STAG1: variants seen among roughly 807,000 people sequenced by gnomAD.
STAG1 encodes the protein cohesin subunit SA-1.
A neutral mutation model predicts 170.9 loss-of-function variants in STAG1; 26 were observed. The observed-to-expected ratio is 0.15, with a 90% CI of 0.11 to 0.21. The LOEUF is 0.21. Ranked by LOEUF, STAG1 falls within the 10% of genes least tolerant of loss-of-function variation. The pLI is 1.00. For missense variants in STAG1, 964 were observed against 1,509.5 expected, an observed-to-expected ratio of 0.64 and a Z score of 5.99; for synonymous variants, 514 against 497.7, an observed-to-expected ratio of 1.03 and a Z score of -0.44.
At chr3:136,559,752 G>A (rs924866295) in intron 5 of STAG1, among the ~76,000 whole-genome samples, 2 of 152,194 alleles carry the variant, frequency 1.3e-5, no homozygotes, top group Admixed American at 6.5e-5. Context: ...CTTTATTCCT[G>A]TTGATAATGC....
At chr3:136,701,579 G>T (rs1008721130) in intron 1 of STAG1, among the ~76,000 whole-genome samples, 1 of 151,986 alleles carries the variant, frequency 6.6e-6, no homozygotes, top group South Asian at 2.1e-4. Flanking sequence ...CTTAACAGCC[G>T]GTATGCCCCC....
chr3:136,497,935 A>G (rs1485249740), intron 9 of STAG1, among the ~76,000 whole-genome samples: 1 of 148,190 alleles, frequency 6.7e-6, no homozygotes, highest in Non-Finnish European at 1.5e-5. Flanking sequence ...GCTCACGACT[A>G]TAATCCCAGC....
At chr3:136,467,879 G>A (rs188963555) in intron 12 of STAG1, among the ~76,000 whole-genome samples, 2 of 152,238 alleles carry the variant, frequency 1.3e-5, no homozygotes, top group South Asian at 2.1e-4. Context: ...TCAACTACAC[G>A]GAAACTAAAC....
chr3:136,740,222 A>G (rs113685292), intron 1 of STAG1, among the ~76,000 whole-genome samples: 7 of 152,310 alleles, frequency 4.6e-5, no homozygotes, highest in African/African-American at 1.4e-4. Context: ...CAGCCCGGGC[A>G]ACAAAGCGAG....
intron 4 of STAG1, among the ~76,000 whole-genome samples, chr3:136,570,880 T>C (rs1173602760): frequency 6.6e-6 from 1 of 152,212 alleles, no homozygotes; most frequent in East Asian, 1.9e-4. Flanking sequence ...GTTTTGTTTT[T>C]AAAGTAAAGA....
intron 25 of STAG1, among the ~76,000 whole-genome samples, chr3:136,364,048 C>T (rs962330153): frequency 1.3e-5 from 2 of 152,000 alleles, no homozygotes; most frequent in African/African-American, 4.8e-5. Flanking sequence ...GCGTGAGCCA[C>T]TGCACCTGGC....
chr3:136,340,873 T>C (rs767015247), intron 31 of STAG1, among the ~76,000 whole-genome samples: 3 of 152,160 alleles, frequency 2.0e-5, no homozygotes, highest in Non-Finnish European at 2.9e-5. Context: ...AAAAATCTTA[T>C]TGGTAGTATT....
intron 4 of STAG1, among the ~76,000 whole-genome samples, chr3:136,585,874 C>T (rs1937792513): frequency 6.6e-6 from 1 of 152,058 alleles, no homozygotes; most frequent in Non-Finnish European, 1.5e-5. Flanking sequence ...TGTGAATTAG[C>T]TTTTTGCAAG....
chr3:136,683,744 A>G (rs1239646619), intron 1 of STAG1, among the ~76,000 whole-genome samples: 2 of 152,226 alleles, frequency 1.3e-5, no homozygotes. Flanking sequence ...ATGGGAAGAA[A>G]AAAGTCAAAA....
chr3:136,539,121 C>G (rs571618274), intron 6 of STAG1, among the ~76,000 whole-genome samples: 1 of 148,508 alleles, frequency 6.7e-6, no homozygotes, highest in Admixed American at 6.7e-5. Flanking sequence ...GCGACAGAGC[C>G]AGACTCCGTC....
intron 1 of STAG1, among the ~76,000 whole-genome samples, chr3:136,706,242 G>A (rs1237954990): frequency 6.6e-6 from 1 of 152,142 alleles, no homozygotes; most frequent in Non-Finnish European, 1.5e-5. Flanking sequence ...AACACTGCTA[G>A]CCAGGCAAGA....
chr3:136,679,629 T>C (rs1488092511), intron 1 of STAG1, among the ~76,000 whole-genome samples: 1 of 150,850 alleles, frequency 6.6e-6, no homozygotes, highest in Non-Finnish European at 1.5e-5. Flanking sequence ...CTCGGGAGGC[T>C]GATGCAGGAG....
At position 136,638,853 on chromosome 3, in the gene STAG1, G is replaced by A. The variant is rs577494889; in HGVS notation, c.-83-7872C>T. Among the ~76,000 whole-genome samples the A allele has an allele frequency of 6.8e-4, 103 of 152,230 alleles. 1 individual carries two copies. The East Asian group carries it at 0.017, about 25-fold the overall frequency. On this transcript the variant is annotated intron_variant, in intron 1 of 33. Transcript: ENST00000383202. ...GGAGGCGGAGGCTGCAGTGAGCCAG[G>A]ATCACGCCATTGAACTCCAGCCTGG...
At chr3:136,406,528 TAAAA>T (rs2087489377) in intron 21 of STAG1, among the ~76,000 whole-genome samples, 1 of 152,108 alleles carries the variant, frequency 6.6e-6, no homozygotes, top group African/African-American at 2.4e-5. Flanking sequence ...TGTACATAAA[TAAAA>T]AATTAGTCAT....
intron 27 of STAG1, 103 bp downstream of exon 27, chr3:136,359,045 A>T: frequency 1.0e-6 from 1 of 999,068 alleles, no homozygotes; most frequent in Non-Finnish European, 1.4e-6. Flanking sequence ...AGTTCTTATA[A>T]CTTAAAATTC....
chr3:136,593,791 A>C (rs1440130545), intron 4 of STAG1, among the ~76,000 whole-genome samples: 6 of 152,124 alleles, frequency 3.9e-5, no homozygotes, highest in Admixed American at 3.9e-4. Context: ...CTATTAACAC[A>C]TTTCTTGTAT....
In STAG1 at chr3:136,387,698, G is replaced by T. The variant is rs1576416499; in HGVS notation, c.2278-9946C>A. Among the ~76,000 whole-genome samples the T allele has an allele frequency of 3.3e-5, 5 of 152,180 alleles. 1 individual carries two copies. In the South Asian group the frequency reaches 1.0e-3, roughly 31 times the overall value. On this transcript the variant is annotated intron_variant, in intron 22 of 33. Coordinates refer to ENST00000383202, the MANE Select transcript of STAG1 (RefSeq NM_005862.3). ...ACTATTTGATATTTAAACCCCAAATGTAATACCTAGTTTTCAGTGTTGTTG... is the reference window on the plus strand; with the variant it reads ...ACTATTTGATATTTAAACCCCAAATTTAATACCTAGTTTTCAGTGTTGTTG...
intron 26 of STAG1, among the ~76,000 whole-genome samples, chr3:136,362,131 G>T (rs1342785590): frequency 6.6e-6 from 1 of 150,678 alleles, no homozygotes; most frequent in Non-Finnish European, 1.5e-5. Context: ...CTAATTTTTT[G>T]TATTTTTAGT....
chr3:136,731,788 A>G (rs79856908), intron 1 of STAG1, among the ~76,000 whole-genome samples: 63 of 152,340 alleles, frequency 4.1e-4, no homozygotes, highest in Non-Finnish European at 8.2e-4. Context: ...TTCATCAAGT[A>G]TGTAGCAAAC....
Sources: gnomAD v4.1 joint callset for allele counts (sites outside exome capture counted in the v4.1 genomes callset) on GRCh38, gnomAD v4.1.1 for gene constraint, MANE v1.5 for transcripts, NCBI Gene and HGNC (gene_info 2026-07-23, HGNC 2026-07-21) for gene names.